Variants in TSEN2 observed in about 807,000 individuals in gnomAD.
TSEN2 encodes tRNA-splicing endonuclease subunit Sen2.
A neutral mutation model predicts 59.2 loss-of-function variants in TSEN2; 54 were observed. The ratio of observed to expected loss-of-function variants is 0.91; its 90% confidence interval spans 0.73 to 1.14. The LOEUF is 1.14. Ranked by LOEUF, TSEN2 falls within the 50% of genes most tolerant of loss-of-function variation. The pLI, the probability that TSEN2 is intolerant of heterozygous loss-of-function variation, is 0.00. For synonymous variants in TSEN2, 195 were observed against 198.2 expected (o/e 0.98, Z 0.14); for missense variants, 636 against 576.2 (o/e 1.10, Z -1.06).
intron 8 of TSEN2, 106 bp downstream of exon 8, chr3:12,519,303 T>C: frequency 6.7e-7 from 1 of 1,499,354 alleles, no homozygotes; most frequent in South Asian, 1.1e-5. Context: ...TCTAAGAAGG[T>C]ATCCTTTGGG....
chr3:12,502,484 C>T (rs558592920), intron 4 of TSEN2, among the ~76,000 whole-genome samples: 3 of 151,772 alleles, frequency 2.0e-5, no homozygotes, highest in Admixed American at 6.6e-5. Context: ...TACAGTGAGC[C>T]GAAATCGTGC....
chr3:12,484,998 C>G (rs2052452947), intron 1 of TSEN2, 118 bp downstream of exon 1: 1 of 152,228 alleles, frequency 6.6e-6, no homozygotes, highest in South Asian at 2.1e-4. Context: ...GAACGAAACG[C>G]CTTCTGCAAA....
downstream of TSEN2, among the ~76,000 whole-genome samples, chr3:12,535,164 T>TA (rs1443943114): frequency 6.6e-6 from 1 of 152,164 alleles, no homozygotes; most frequent in African/African-American, 2.4e-5. Flanking sequence ...TTACTTGGAT[T>TA]AAAAAGAAAC....
At chr3:12,530,266 T>C in intron 10 of TSEN2, 3 of 1,005,286 alleles carry the variant, frequency 3.0e-6, no homozygotes, top group Non-Finnish European at 3.6e-6. Context: ...TTTGCAGATC[T>C]CTTAGAGAGG....
intron 4 of TSEN2, among the ~76,000 whole-genome samples, chr3:12,497,988 A>G (rs1037199894): frequency 1.3e-5 from 2 of 151,406 alleles, no homozygotes; most frequent in South Asian, 4.2e-4. Context: ...TGGCTTGCAG[A>G]TGCATCACTC....
downstream of TSEN2, among the ~76,000 whole-genome samples, chr3:12,536,186 T>C (rs1251583525): frequency 1.3e-5 from 2 of 151,952 alleles, no homozygotes; most frequent in East Asian, 3.9e-4. Context: ...GCAGAGGAGA[T>C]TGGGAGGAGA....
intron 2 of TSEN2, among the ~76,000 whole-genome samples, chr3:12,490,273 G>A (rs1050222881): frequency 2.0e-5 from 3 of 152,184 alleles, no homozygotes; most frequent in Admixed American, 6.5e-5. Flanking sequence ...AGTTGTAAAA[G>A]CAATGCATGT....
intron 6 of TSEN2, among the ~76,000 whole-genome samples, chr3:12,507,481 C>T (rs2054966267): frequency 6.6e-6 from 1 of 152,134 alleles, no homozygotes; most frequent in South Asian, 2.1e-4. Flanking sequence ...CAGGACAGTA[C>T]CTGATAATAT....
chr3:12,490,248 AT>A lies in TSEN2; in HGVS notation c.189+267del, dbSNP rs143173105. 1.2e-4 allele frequency among the ~76,000 whole-genome samples: 19 copies of A among 152,124 alleles called. 1 individual carries two copies. Among genetic ancestry groups the A allele is most frequent in the Admixed American group, 7.9e-4 (12 of 15,282 alleles). On this transcript the variant is annotated intron_variant, in intron 2 of 11. Coordinates refer to ENST00000284995, the MANE Select transcript of TSEN2 (RefSeq NM_025265.4). Reference sequence around the variant, plus strand: ...ATGAAGTAGGTTCAATGGATTGACTATTTTTTTTGTCTTTAGTTGTAAAAGC... The same window carrying A: ...ATGAAGTAGGTTCAATGGATTGACTATTTTTTTGTCTTTAGTTGTAAAAGC...
At chr3:12,521,026 A>C (rs1367022926) in intron 8 of TSEN2, among the ~76,000 whole-genome samples, 1 of 152,146 alleles carries the variant, frequency 6.6e-6, no homozygotes, top group East Asian at 1.9e-4. Flanking sequence ...CTTACAAGTA[A>C]GAATATGTGG....
At chr3:12,537,024 C>T (rs993497671), downstream of TSEN2, among the ~76,000 whole-genome samples, 4 of 148,650 alleles carry the variant, frequency 2.7e-5, no homozygotes, top group Admixed American at 6.7e-5. Flanking sequence ...AAAAGGAATT[C>T]GTAGCCTGCT....
At chr3:12,517,356 T>TAAAAAAAAAAAAAA (rs1372965441) in intron 7 of TSEN2, among the ~76,000 whole-genome samples, 1 of 25,062 alleles carries the variant, frequency 4.0e-5, no homozygotes, top group African/African-American at 1.6e-3. Flanking sequence ...AGACTCTGTC[T>TAAAAAAAAAAAAAA]CAAAAAAAAA....
chr3:12,489,388 T>C (rs900674522), intron 1 of TSEN2, among the ~76,000 whole-genome samples: 5 of 152,200 alleles, frequency 3.3e-5, no homozygotes. Context: ...CCCCAGCACC[T>C]ATGATTATTA....
intron 8 of TSEN2, among the ~76,000 whole-genome samples, chr3:12,527,640 T>C (rs1248212251): frequency 6.6e-6 from 1 of 152,108 alleles, no homozygotes; most frequent in African/African-American, 2.4e-5. Context: ...ATAGCTGTAG[T>C]TGTATATAAA....
At chr3:12,505,932 T>G (rs887057076) in intron 6 of TSEN2, among the ~76,000 whole-genome samples, 1 of 151,944 alleles carries the variant, frequency 6.6e-6, no homozygotes, top group South Asian at 2.1e-4. Context: ...ACTACTGCGC[T>G]CCAGCTTGGG....
intron 10 of TSEN2, 148 bp downstream of exon 10, chr3:12,530,021 G>A (rs772137911): frequency 4.2e-5 from 62 of 1,466,368 alleles, no homozygotes; most frequent in Non-Finnish European, 5.4e-5. Flanking sequence ...GGGGTCATTC[G>A]TACCCTTCCC....
rs2054491303 is a variant in TSEN2 at position 12,503,343 on chromosome 3, G to C, written c.390G>C (p.Lys130Asn). ...AGAGTACAGTGCGCAGAATCCTCAA[G>C]GATTACACGAAACCGCTTGAGCATC... ...QDESTVRRIL[K>N]DYTKPLEHPP... The change falls in exon 5 of 12, where the codon AAG (lysine) becomes AAC (asparagine). Residue 130 changes from lysine (K) to asparagine (N), a missense_variant. Lys to Asn is a moderately conservative substitution (Grantham distance 94, BLOSUM62 0). Coordinates refer to ENST00000284995, the MANE Select transcript of TSEN2 (RefSeq NM_025265.4). 6.2e-7 allele frequency: 1 copy of C among 1,614,202 alleles called. No individual in the cohort carries two copies. Among genetic ancestry groups the C allele is most frequent in the Non-Finnish European group, 8.5e-7 (1 of 1,180,034 alleles).
rs1187612162 is a variant in TSEN2 at position 12,539,236 on chromosome 3, C to T, written c.1336C>T (p.Arg446Ter). ...GCAACCTCTGCCTGCTGGGTTTAAG[C>T]GATTCTCATGCCTCAGCCTCCTGAG... The change falls in exon 11 of 11, where the codon CGA becomes TGA. Residue 446 changes from arginine (R) to a stop codon, truncating the protein, a stop_gained. Transcript: ENST00000412698. LOFTEE classifies it high-confidence loss of function. 1.5e-5 allele frequency: 6 copies of T among 400,016 alleles called. No homozygotes were observed. The highest frequency in any genetic ancestry group is 7.7e-5 in the East Asian group (1 of 12,930). The allele number at this position is 400,016 out of a possible 1,614,324, so 24.8% of individuals were successfully genotyped here.
At chr3:12,488,273 T>C (rs1181064972) in intron 1 of TSEN2, among the ~76,000 whole-genome samples, 1 of 152,194 alleles carries the variant, frequency 6.6e-6, no homozygotes, top group Non-Finnish European at 1.5e-5. Context: ...TCTTATTTTT[T>C]CCCTTGTGAG....
Sources: allele counts gnomAD v4.1 joint callset (sites outside exome capture counted in the v4.1 genomes callset), GRCh38; gene constraint gnomAD v4.1.1; transcripts MANE v1.5; gene names NCBI Gene and HGNC (gene_info 2026-07-23, HGNC 2026-07-21).